Variants in WIPI1 observed in about 807,000 individuals in gnomAD.
WIPI1 encodes WD repeat domain phosphoinositide-interacting protein 1.
WIPI1 carries 45 observed loss-of-function variants against 55.3 expected under a neutral mutation model. The observed-to-expected ratio is 0.81, with a 90% CI of 0.64 to 1.04. The LOEUF (loss-of-function observed/expected upper bound fraction) is 1.04, where lower values mean the gene tolerates loss of function less well. WIPI1 is among the 50% of genes least tolerant of loss of function. The probability of loss-of-function intolerance (pLI) is 0.00; values close to 1 mark genes in which losing one functional copy is unlikely to be tolerated. For missense variants in WIPI1, 445 were observed against 559.0 expected (o/e 0.80, Z 2.06); for synonymous variants, 195 against 217.6 (o/e 0.90, Z 0.92).
In WIPI1 at chr17:68,421,657, C is replaced by T. The variant is rs996553791; in HGVS notation, c.*116G>A. 2.3e-5 allele frequency: 34 copies of T among 1,463,178 alleles called. No individual in the cohort carries two copies. The highest frequency in any genetic ancestry group is 1.5e-4 in the Admixed American group (9 of 59,128). The allele number at this position is 1,463,178 out of a possible 1,614,324, so 90.6% of individuals were successfully genotyped here. ...CCTGTGGTTTAAGCAGTGGAGCACCCGGGATTCCTGCCCCCCTTTCTGCTC... is the reference window on the plus strand; with the variant it reads ...CCTGTGGTTTAAGCAGTGGAGCACCTGGGATTCCTGCCCCCCTTTCTGCTC... On this transcript the variant is annotated 3_prime_UTR_variant, in exon 13 of 13. Transcript: ENST00000262139.
chr17:68,422,339 G>C (rs552176413), intron 12 of WIPI1: 3 of 156,220 alleles, frequency 1.9e-5, no homozygotes, highest in Admixed American at 1.2e-4. Flanking sequence ...AGGCAGGAGA[G>C]AATCGCTTGA....
At chr17:68,421,882 T>C in intron 12 of WIPI1, 62 bp from the exon 13 acceptor site, 1 of 1,606,170 alleles carries the variant, frequency 6.2e-7, no homozygotes, top group East Asian at 2.2e-5. Context: ...GGCAGGTGCA[T>C]TATCAACAGG....
Position 68,457,455 on chromosome 17 carries a change from C to A in WIPI1, c.-34G>T. ...CGGCCCGGGAAGCCGCAGCTCGGAG[C>A]CGGCGACAGCCACCTCAGCAGCCCG... On this transcript the variant is annotated 5_prime_UTR_variant, in exon 1 of 13. Coordinates refer to ENST00000262139, the MANE Select transcript of WIPI1 (RefSeq NM_017983.7). The A allele has an allele frequency of 6.8e-7, 1 of 1,462,968 alleles. No homozygotes were observed. Among genetic ancestry groups the A allele is most frequent in the Non-Finnish European group, 9.0e-7 (1 of 1,106,838 alleles). 90.6% of individuals were successfully genotyped at this position (1,462,968 alleles called of 1,614,324 possible). A position where few individuals can be genotyped will look rare whatever the true frequency, so the allele number is the denominator to read the frequency against.
chr17:68,425,156 C>T (rs1046608193), intron 12 of WIPI1, among the ~76,000 whole-genome samples: 4 of 152,190 alleles, frequency 2.6e-5, no homozygotes, highest in African/African-American at 9.6e-5. Context: ...TAAAGGTGCT[C>T]GGGCAAGCTC....
rs2084672250 is a variant in WIPI1, at chr17:68,457,335, A to C, written c.80+7T>G. 1.9e-6 allele frequency: 3 copies of C among 1,545,338 alleles called. No homozygotes were observed. The highest frequency in any genetic ancestry group is 2.6e-6 in the Non-Finnish European group (3 of 1,144,902). ...ACCTCCCTGGCAGGGGCCGAGTCGC[A>C]GCTTACGTGCAGTCCTGGTTGAAAG... On this transcript the variant is annotated splice_region_variant and intron_variant, in intron 1 of 12. Coordinates refer to ENST00000262139, the MANE Select transcript of WIPI1 (RefSeq NM_017983.7).
chr17:68,455,388 A>G (rs1270963820), intron 1 of WIPI1, among the ~76,000 whole-genome samples: 1 of 151,618 alleles, frequency 6.6e-6, no homozygotes, highest in East Asian at 1.9e-4. Context: ...AAAGTACCCA[A>G]AGTGTATAGC....
chr17:68,447,077 TTCA>T (rs1264746883), intron 3 of WIPI1, among the ~76,000 whole-genome samples: 1 of 152,212 alleles, frequency 6.6e-6, no homozygotes, highest in Non-Finnish European at 1.5e-5. Flanking sequence ...TGCTTTGAAT[TTCA>T]TCTACTTTTC....
intron 9 of WIPI1, among the ~76,000 whole-genome samples, chr17:68,429,316 A>G (rs1011770858): frequency 2.0e-5 from 3 of 152,246 alleles, no homozygotes; most frequent in Non-Finnish European, 4.4e-5. Context: ...TTTGCTGGTT[A>G]GTTTTGTGAA....
intron 2 of WIPI1, among the ~76,000 whole-genome samples, chr17:68,452,645 G>A (rs927946499): frequency 1.1e-4 from 17 of 152,198 alleles, no homozygotes; most frequent in African/African-American, 4.1e-4. Flanking sequence ...ATATAAGCAT[G>A]TGAAAAAGTC....
chr17:68,432,860 T>C (rs1205383795), intron 8 of WIPI1, among the ~76,000 whole-genome samples: 1 of 152,226 alleles, frequency 6.6e-6, no homozygotes, highest in Non-Finnish European at 1.5e-5. Flanking sequence ...CTCCTCCATC[T>C]TTCCAGAATT....
intron 1 of WIPI1, among the ~76,000 whole-genome samples, chr17:68,453,792 T>G (rs1476393547): frequency 1.3e-5 from 2 of 152,154 alleles, no homozygotes; most frequent in Non-Finnish European, 2.9e-5. Flanking sequence ...ACTTTCAAAG[T>G]AGGCATAGTA....
intron 8 of WIPI1, 56 bp downstream of exon 8, chr17:68,433,412 G>A: frequency 6.8e-7 from 1 of 1,470,322 alleles, no homozygotes; most frequent in Admixed American, 1.7e-5. Flanking sequence ...CAGTAGAAGA[G>A]CCTAGGCCTG....
At chr17:68,448,676 C>T (rs757807821) in intron 3 of WIPI1, among the ~76,000 whole-genome samples, 8 of 152,210 alleles carry the variant, frequency 5.3e-5, no homozygotes, top group Admixed American at 1.3e-4. Flanking sequence ...CCGGTCTTTA[C>T]AGATCATTTG....
intron 3 of WIPI1, among the ~76,000 whole-genome samples, chr17:68,447,169 C>G (rs180918313): frequency 6.6e-6 from 1 of 152,162 alleles, no homozygotes; most frequent in East Asian, 1.9e-4. Flanking sequence ...CAGATTTGGC[C>G]TCAGAGGCTT....
chr17:68,427,382 G>T, intron 10 of WIPI1, 129 bp from the exon 11 acceptor site: 1 of 708,924 alleles, frequency 1.4e-6, no homozygotes, highest in Non-Finnish European at 2.3e-6. Context: ...TTTGAGGCAG[G>T]GTCTTGCTCT....
chr17:68,452,980 A>G lies in WIPI1; in HGVS notation c.93T>C (p.Thr31=), dbSNP rs752745180. 7 of 1,613,758 alleles carry G rather than the reference A, an allele frequency of 4.3e-6. No individual in the cohort carries two copies. Among genetic ancestry groups the G allele is most frequent in the Non-Finnish European group, 5.9e-6 (7 of 1,179,704 alleles). The change falls in exon 2 of 13, where the codon ACT becomes ACC. Residue 31 remains threonine, a synonymous_variant. Transcript: ENST00000262139. ...SFNQDCTSLA[T]GTKAGYKLFS... is the part of the protein sequence containing the mutation. ...ACAGCTTATACCCGGCTTTAGTTCC[A>G]GTTGCTAGGGATCTGTGGAGGATAA... is the stretch of plus-strand genomic sequence containing the variant.
intron 10 of WIPI1, 107 bp downstream of exon 10, chr17:68,428,722 G>A (rs1322720718): frequency 4.7e-6 from 4 of 851,760 alleles, no homozygotes; most frequent in Non-Finnish European, 7.5e-6. Flanking sequence ...GACTGCCAGT[G>A]AAGAACAAAT....
Position 68,434,756 on chromosome 17 carries a change from T to C in WIPI1, c.622-130A>G, listed in dbSNP as rs555108920. 7.0e-5 allele frequency: 58 copies of C among 833,004 alleles called. No individual in the cohort carries two copies. In the East Asian group the frequency reaches 1.4e-3, roughly 19 times the overall value. 51.6% of individuals were successfully genotyped at this position (833,004 alleles called of 1,614,324 possible). A position where few individuals can be genotyped will look rare whatever the true frequency, so the allele number is the denominator to read the frequency against. On this transcript the variant is annotated intron_variant, in intron 6 of 12. Transcript: ENST00000262139. ...AGGAGGAAGAACACCACGTTGAGCA[T>C]AGAGGCATGTTTATTTATGTGCCAT...
intron 2 of WIPI1, among the ~76,000 whole-genome samples, chr17:68,452,163 CATT>C (rs1600386379): frequency 6.6e-6 from 1 of 152,372 alleles, no homozygotes; most frequent in Non-Finnish European, 1.5e-5. Flanking sequence ...GCTTCAACAT[CATT>C]GACATGGGCT....
Sources: gnomAD v4.1 joint callset for allele counts (sites outside exome capture counted in the v4.1 genomes callset) on GRCh38, gnomAD v4.1.1 for gene constraint, MANE v1.5 for transcripts, NCBI Gene and HGNC (gene_info 2026-07-23, HGNC 2026-07-21) for gene names.